BRD3: variants seen among roughly 807,000 people sequenced by gnomAD.
BRD3 encodes the protein bromodomain-containing protein 3.
A neutral mutation model predicts 66.8 loss-of-function variants in BRD3; 17 were observed. The observed-to-expected ratio is 0.25, with a 90% CI of 0.17 to 0.38. BRD3 has a LOEUF of 0.38. Ranked by LOEUF, BRD3 falls within the 10% of genes least tolerant of loss-of-function variation. The pLI, the probability that BRD3 is intolerant of heterozygous loss-of-function variation, is 1.00. For missense variants in BRD3, 713 were observed against 956.1 expected (o/e 0.75, Z 3.35); for synonymous variants, 421 against 393.2 (o/e 1.07, Z -0.84).
intron 9 of BRD3, among the ~76,000 whole-genome samples, chr9:134,037,544 C>T (rs1333017945): frequency 6.6e-6 from 1 of 152,016 alleles, no homozygotes; most frequent in African/African-American, 2.4e-5. Context: ...GCACTCCAGC[C>T]TAGGCAACAC....
At chr9:134,049,078 T>G (rs1830236918) in intron 5 of BRD3, among the ~76,000 whole-genome samples, 2 of 152,040 alleles carry the variant, frequency 1.3e-5, no homozygotes, top group South Asian at 4.1e-4. Flanking sequence ...CCAGCAGCAG[T>G]GGGAGCCACC....
Position 134,048,413 on chromosome 9 carries a change from C to T in BRD3, c.756G>A (p.Thr252=), listed in dbSNP as rs201883959. 16 of 1,598,470 alleles carry T rather than the reference C, an allele frequency of 1.0e-5. No homozygotes were observed. In the South Asian group the frequency reaches 1.1e-4, roughly 11 times the overall value. ...VKRKADTTTP[T]TSAITASRSE... ...TCCGGCTGGCAGTGATGGCCGACGT[C>T]GTGGGAGTGGTTGTGTCTGCTTTCC... Residue 252 remains threonine, a synonymous_variant, in exon 6 of 12, where the codon ACG becomes ACA. Coordinates refer to ENST00000303407, the MANE Select transcript of BRD3 (RefSeq NM_007371.4).
At chr9:134,038,028 C>G (rs889567173) in intron 9 of BRD3, among the ~76,000 whole-genome samples, 4 of 152,192 alleles carry the variant, frequency 2.6e-5, no homozygotes, top group Non-Finnish European at 5.9e-5. Context: ...GATTAAAAAC[C>G]TTCCAACAAT....
rs577462000 is a variant in BRD3, at chr9:134,065,296, C to T, written c.-114+2649G>A. ...AAAATTAGCTGGGCGTGGTGGCGGA[C>T]GCCTGTAATCCCAGCTACTTGGGAG... On this transcript the variant is annotated intron_variant, in intron 1 of 11. Coordinates refer to ENST00000303407, the MANE Select transcript of BRD3 (RefSeq NM_007371.4). Among the ~76,000 whole-genome samples, 5 of 152,220 alleles carry T rather than the reference C, an allele frequency of 3.3e-5. No homozygotes were observed. The East Asian group carries it at 5.8e-4, about 18-fold the overall frequency.
Position 134,045,468 on chromosome 9 carries a change from A to C in BRD3, c.1087-47T>G. 1.2e-6 allele frequency: 2 copies of C among 1,610,288 alleles called. No individual in the cohort carries two copies. Among genetic ancestry groups the C allele is most frequent in the Non-Finnish European group, 1.7e-6 (2 of 1,178,054 alleles). The stretch of plus-strand genomic sequence containing the variant: ...GCCAGTGAGCGTGGCCCGTGGCATC[A>C]GGACTCTCTGCCACACCCCACGAGA... On this transcript the variant is annotated intron_variant, in intron 6 of 11. Coordinates refer to ENST00000303407, the MANE Select transcript of BRD3 (RefSeq NM_007371.4). The surrounding 1 kb of genome is among the most constrained non-coding windows in gnomAD (Gnocchi z 4.8).
rs149021750 is a variant in BRD3, at chr9:134,059,703, T to C, written c.-113-6113A>G. Among the ~76,000 whole-genome samples, 5 of 152,228 alleles carry C rather than the reference T, an allele frequency of 3.3e-5. No individual in the cohort carries two copies. In the East Asian group the frequency reaches 9.6e-4, roughly 29 times the overall value. ...GTGAACCGAGAAGGGTCTGTGAGCA[T>C]GTACAGTGCAGGAAGAACTCATTTC... On this transcript the variant is annotated intron_variant, in intron 1 of 11. Transcript: ENST00000303407.
chr9:134,059,556 TGCA>T (rs1159107028), intron 1 of BRD3, among the ~76,000 whole-genome samples: 2 of 152,226 alleles, frequency 1.3e-5, no homozygotes, highest in East Asian at 1.9e-4. Flanking sequence ...TGCGGGAATG[TGCA>T]GCAGAAGGGG....
At chr9:134,066,260 G>T (rs982234842) in intron 1 of BRD3, among the ~76,000 whole-genome samples, 1 of 152,262 alleles carries the variant, frequency 6.6e-6, no homozygotes, top group African/African-American at 2.4e-5. Flanking sequence ...TCGCTCGCCT[G>T]CAGCCCGTCC....
chr9:134,053,514 G>T lies in BRD3; in HGVS notation c.-37C>A. On this transcript the variant is annotated 5_prime_UTR_variant, in exon 2 of 12. Transcript: ENST00000303407. ...TCACTCACTTTCTGTCACAGCAGCG[G>T]CTTGGAGAGGCCCTGGCTGCTTCTA... The T allele has an allele frequency of 6.5e-7, 1 of 1,531,792 alleles. No individual in the cohort carries two copies. The highest frequency in any genetic ancestry group is 8.7e-7 in the Non-Finnish European group (1 of 1,143,078). The allele number at this position is 1,531,792 out of a possible 1,614,324, so 94.9% of individuals were successfully genotyped here.
chr9:134,036,269 C>T lies in BRD3; in HGVS notation c.1699G>A (p.Glu567Lys). The T allele has an allele frequency of 6.2e-7, 1 of 1,613,842 alleles. No individual in the cohort carries two copies. Residue 567 changes from glutamate to lysine, a missense_variant, in exon 10 of 12, where the codon GAG becomes AAG. By Grantham distance (56) the Glu-to-Lys change is moderately conservative. Around this residue, in one of 5 missense-constraint regions of BRD3, gnomAD observed 418 missense variants for 609.3 expected, o/e 0.69. Transcript: ENST00000303407. The part of the protein sequence containing the change: ...ASASYDSEEE[E>K]EGLPMSYDEK... ...TCGTAGCTCATGGGCAGGCCCTCCT[C>T]CTCTTCCTCTGAGTCGTAGGAGGCA...
intron 1 of BRD3, among the ~76,000 whole-genome samples, chr9:134,055,387 G>A (rs1430885314): frequency 1.3e-5 from 2 of 152,132 alleles, no homozygotes; most frequent in East Asian, 3.9e-4. Context: ...TGTCTCCTGT[G>A]ACTTGCGGCC....
In BRD3 at chr9:134,033,762, C is replaced by T. The variant is rs566213243; in HGVS notation, c.2066-57G>A. The T allele has an allele frequency of 8.9e-6, 6 of 676,156 alleles. No individual in the cohort carries two copies. Among genetic ancestry groups the T allele is most frequent in the African/African-American group, 5.3e-5 (3 of 56,876 alleles). The allele number at this position is 676,156 out of a possible 1,614,324, so 41.9% of individuals were successfully genotyped here. A position where few individuals can be genotyped will look rare whatever the true frequency, so the allele number is the denominator to read the frequency against. ...CACACCCGCTTCTTGACCCGCTTGG[C>T]GGCATGTCGTCCATGCCAGCGTGAC... is the stretch of plus-strand genomic sequence containing the variant. On this transcript the variant is annotated intron_variant, in intron 11 of 11. Coordinates refer to ENST00000303407, the MANE Select transcript of BRD3 (RefSeq NM_007371.4). This position sits in a 1 kb window ranked among gnomAD's most constrained non-coding sequence, Gnocchi z 5.1.
chr9:134,053,036 G>A (rs890763604), intron 2 of BRD3, among the ~76,000 whole-genome samples: 4 of 152,168 alleles, frequency 2.6e-5, no homozygotes, highest in African/African-American at 4.8e-5. Flanking sequence ...TCCCGGACAC[G>A]CGTGGCTTCT....
At position 134,045,391 on chromosome 9, in the gene BRD3, C is replaced by A. The variant is rs775918544; in HGVS notation, c.1117G>T (p.Ala373Ser). The change falls in exon 7 of 12, where the codon GCA (alanine) becomes TCA (serine). Residue 373 changes from alanine to serine, a missense_variant. This residue lies in a region of BRD3 where 418 missense variants were observed against 609.3 expected (regional missense o/e 0.69). Transcript: ENST00000303407. This position sits in a 1 kb window ranked among gnomAD's most constrained non-coding sequence, Gnocchi z 4.8. ...RKMDGREYPD[A>S]QGFAADVRLM... Reference sequence around the variant, plus strand: ...CGGACATCAGCAGCAAAGCCCTGTGCGTCTGGGTACTCTCGGCCATCCATC... The same window carrying A: ...CGGACATCAGCAGCAAAGCCCTGTGAGTCTGGGTACTCTCGGCCATCCATC... The A allele has an allele frequency of 6.2e-7, 1 of 1,613,638 alleles. No individual in the cohort carries two copies. Among genetic ancestry groups the A allele is most frequent in the Admixed American group, 1.7e-5 (1 of 60,018 alleles).
rs142500491 is a variant in BRD3, at chr9:134,041,518, C to T, written c.1407+242G>A. 2.4e-3 allele frequency among the ~76,000 whole-genome samples: 362 copies of T among 152,342 alleles called. 1 individual carries two copies. Among genetic ancestry groups the T allele is most frequent in the African/African-American group, 8.2e-3 (343 of 41,586 alleles). On this transcript the variant is annotated intron_variant, in intron 8 of 11. Transcript: ENST00000303407. ...GACCCCTGAGCTCCCACCTGAGGCC[C>T]GCCAGGTCTCCAGAAACATCCCAGC...
At position 134,048,264 on chromosome 9, in the gene BRD3, G is replaced by C. The variant is rs1453994912; in HGVS notation, c.905C>G (p.Ala302Gly). 6.2e-7 allele frequency: 1 copy of C among 1,609,952 alleles called. No homozygotes were observed. The highest frequency in any genetic ancestry group is 8.5e-7 in the Non-Finnish European group (1 of 1,178,916). The change falls in exon 6 of 12, where the codon GCA (alanine) becomes GGA (glycine). Residue 302 changes from alanine (A) to glycine (G), a missense_variant. Physicochemically the swap from Ala to Gly is moderately conservative, Grantham distance 60. Around this residue, in one of 5 missense-constraint regions of BRD3, gnomAD observed 418 missense variants for 609.3 expected, o/e 0.69. Coordinates refer to ENST00000303407, the MANE Select transcript of BRD3 (RefSeq NM_007371.4). ...DLEDGEVPQH[A>G]GKKGKLSEHL... is the part of the protein sequence containing the mutation. ...CTCCGACAGCTTGCCCTTCTTGCCT[G>C]CGTGCTGGGGCACCTCGCCGTCCTC...
Position 134,040,176 on chromosome 9 carries a change from T to G in BRD3, c.1501A>C (p.Lys501Gln). 1 of 1,565,292 alleles carries G rather than the reference T, an allele frequency of 6.4e-7. No individual in the cohort carries two copies. Among genetic ancestry groups the G allele is most frequent in the Non-Finnish European group, 8.7e-7 (1 of 1,155,164 alleles). Residue 501 changes from lysine to glutamine, a missense_variant, in exon 9 of 12, where the codon AAG (lysine) becomes CAG (glutamine). Physicochemically the swap from Lys to Gln is moderately conservative, Grantham distance 53. This residue lies in a region of BRD3 where 418 missense variants were observed against 609.3 expected (regional missense o/e 0.69). Transcript: ENST00000303407. Reference protein sequence around the residue: ...KKEKKEKEKKKKDKEKEKEKH... With the variant: ...KKEKKEKEKKQKDKEKEKEKH... ...TCCTTCTCCTTCTCCTTGTCCTTCTTCTTCTTCTCCTTCTCCTTCTTCTCC... is the reference window on the plus strand; with the variant it reads ...TCCTTCTCCTTCTCCTTGTCCTTCTGCTTCTTCTCCTTCTCCTTCTTCTCC...
chr9:134,048,233 T>C lies in BRD3; in HGVS notation c.936A>G (p.Leu312=), dbSNP rs464826. 0.66 allele frequency: 1,057,708 copies of C among 1,611,942 alleles called. 350,608 individuals are homozygous for C. Among genetic ancestry groups the C allele is most frequent in the African/African-American group, 0.83 (62,403 of 75,020 alleles). The change falls in exon 6 of 12, where the codon CTA becomes CTG. Residue 312 remains leucine, a synonymous_variant. Transcript: ENST00000303407. ...CCCTGAGGATGCTGTCGCAGTAGCG[T>C]AGGTGCTCCGACAGCTTGCCCTTCT... is the stretch of plus-strand genomic sequence containing the variant. ...AGKKGKLSEH[L]RYCDSILREM... is the part of the protein sequence containing the mutation.
chr9:134,044,663 AG>A (rs1830130079), intron 7 of BRD3, among the ~76,000 whole-genome samples: 1 of 152,204 alleles, frequency 6.6e-6, no homozygotes. Flanking sequence ...GGACTTTGGC[AG>A]AAAAATGCAC....
Sources: allele counts gnomAD v4.1 joint callset (sites outside exome capture counted in the v4.1 genomes callset), GRCh38; gene constraint gnomAD v4.1.1; regional missense constraint gnomAD v4.1.1; non-coding constraint Gnocchi (gnomAD v3.1); transcripts MANE v1.5; gene names NCBI Gene and HGNC (gene_info 2026-07-23, HGNC 2026-07-21).